DLGAP1: variants seen among roughly 807,000 people sequenced by gnomAD.
DLGAP1 encodes the protein DLG associated protein 1, also known as disks large-associated protein 1.
DLGAP1 carries 11 observed loss-of-function variants against 90.8 expected under a neutral mutation model. The observed-to-expected ratio is 0.12, with a 90% CI of 0.08 to 0.20. The LOEUF is 0.20. Ranked by LOEUF, DLGAP1 falls within the 10% of genes least tolerant of loss-of-function variation. The pLI, the probability that DLGAP1 is intolerant of heterozygous loss-of-function variation, is 1.00. For synonymous variants in DLGAP1, 558 were observed against 540.7 expected, an observed-to-expected ratio of 1.03 and a Z score of -0.44; for missense variants, 1,050 against 1,333.8, an observed-to-expected ratio of 0.79 and a Z score of 3.31.
chr18:3,929,379 G>A (rs1204914370), intron 3 of DLGAP1, among the ~76,000 whole-genome samples: 1 of 152,172 alleles, frequency 6.6e-6, no homozygotes, highest in African/African-American at 2.4e-5. Context: ...CCACAATTCT[G>A]ACCACTCCAG....
intron 7 of DLGAP1, among the ~76,000 whole-genome samples, chr18:3,681,044 T>C (rs967883695): frequency 2.0e-5 from 3 of 152,104 alleles, no homozygotes; most frequent in Admixed American, 1.3e-4. Context: ...GGTGAGATAA[T>C]TGTGCTGAGA....
At chr18:3,602,000 C>G (rs1199640231) in intron 7 of DLGAP1, among the ~76,000 whole-genome samples, 1 of 151,986 alleles carries the variant, frequency 6.6e-6, no homozygotes, top group Non-Finnish European at 1.5e-5. Context: ...CAGTGCGAGA[C>G]TCCTTCTCAA....
At chr18:4,160,860 G>T (rs530308210) in intron 1 of DLGAP1, among the ~76,000 whole-genome samples, 21 of 152,104 alleles carry the variant, frequency 1.4e-4, no homozygotes, top group African/African-American at 4.8e-4. Flanking sequence ...ACTTCATTTA[G>T]ATATTATTAT....
chr18:4,333,835 C>T (rs1414332149), intron 1 of DLGAP1, among the ~76,000 whole-genome samples: 2 of 151,294 alleles, frequency 1.3e-5, no homozygotes, highest in African/African-American at 2.4e-5. Context: ...CTCCTAACCT[C>T]GTGATCCGCC....
chr18:4,331,239 C>G (rs2080943752), intron 1 of DLGAP1, among the ~76,000 whole-genome samples: 1 of 151,678 alleles, frequency 6.6e-6, no homozygotes, highest in African/African-American at 2.4e-5. Context: ...TATCACGGGA[C>G]TGTGTTTTCT....
intron 7 of DLGAP1, among the ~76,000 whole-genome samples, chr18:3,726,274 T>C (rs146272851): frequency 1.9e-4 from 29 of 152,334 alleles, no homozygotes; most frequent in African/African-American, 7.0e-4. Context: ...TCAATTTTCA[T>C]AGATGAGTGT....
intron 7 of DLGAP1, among the ~76,000 whole-genome samples, chr18:3,623,709 G>A (rs2058184216): frequency 1.3e-5 from 2 of 150,800 alleles, no homozygotes; most frequent in African/African-American, 4.9e-5. Context: ...CCTGGGAGGC[G>A]GAGCTTGCAG....
At chr18:4,240,064 T>G (rs189994865) in intron 1 of DLGAP1, among the ~76,000 whole-genome samples, 1 of 152,226 alleles carries the variant, frequency 6.6e-6, no homozygotes, top group Non-Finnish European at 1.5e-5. Flanking sequence ...AATTTACTTG[T>G]TGTGTTAGGA....
intron 1 of DLGAP1, among the ~76,000 whole-genome samples, chr18:4,372,206 G>A (rs966881673): frequency 7.9e-5 from 12 of 152,088 alleles, no homozygotes; most frequent in African/African-American, 2.9e-4. Context: ...CACAGAACCA[G>A]GTATAAAATG....
chr18:4,430,157 A>G (rs1046876248), intron 1 of DLGAP1, among the ~76,000 whole-genome samples: 2 of 152,178 alleles, frequency 1.3e-5, no homozygotes, highest in African/African-American at 4.8e-5. Flanking sequence ...GGGTATTTCA[A>G]TGTTGCTGAT....
At chr18:3,632,716 G>A (rs77725302) in intron 7 of DLGAP1, among the ~76,000 whole-genome samples, 1,551 of 152,114 alleles carry the variant, frequency 0.01, 32 homozygotes, top group African/African-American at 0.036. Context: ...CTTTCCTTGG[G>A]AGCTTATTTT....
chr18:4,279,858 T>C (rs564536377), intron 1 of DLGAP1, among the ~76,000 whole-genome samples: 122 of 152,342 alleles, frequency 8.0e-4, no homozygotes, highest in African/African-American at 2.9e-3. Context: ...CAACTAATTT[T>C]ATTGATGTTA....
chr18:3,923,133 C>CA (rs34107115), intron 3 of DLGAP1, among the ~76,000 whole-genome samples: 20,526 of 70,980 alleles, frequency 0.29, 3,445 homozygotes, highest in Middle Eastern at 0.48. Context: ...GAACCTGTCT[C>CA]AAAAAAAAAA....
chr18:4,015,150 A>G (rs2074499502), intron 2 of DLGAP1, among the ~76,000 whole-genome samples: 2 of 152,176 alleles, frequency 1.3e-5, no homozygotes, highest in Non-Finnish European at 2.9e-5. Context: ...CTGAAGTCCC[A>G]CGCTGGAAAA....
chr18:3,545,688 C>T (rs1388668025), intron 9 of DLGAP1, among the ~76,000 whole-genome samples: 1 of 152,016 alleles, frequency 6.6e-6, no homozygotes, highest in Non-Finnish European at 1.5e-5. Context: ...GAAACTCTGT[C>T]TCTACTAAAA....
chr18:4,254,646 A>C (rs1386344645), intron 1 of DLGAP1, among the ~76,000 whole-genome samples: 1 of 150,992 alleles, frequency 6.6e-6, no homozygotes, highest in African/African-American at 2.5e-5. Flanking sequence ...CCAAATTCTA[A>C]GGTCAGGAAG....
rs137994552 is a variant in DLGAP1, at chr18:4,375,192, T to G, written c.-267+79814A>C. ...ATAGCACTTTCCACTGATTTGGTAG[T>G]TTTCACCTAAGAGTTCCAAATGTGT... On this transcript the variant is annotated intron_variant, in intron 1 of 12. Transcript: ENST00000315677. Among the ~76,000 whole-genome samples the G allele has an allele frequency of 1.8e-3, 272 of 152,274 alleles. 1 individual carries two copies. Among genetic ancestry groups the G allele is most frequent in the Middle Eastern group, 0.01 (3 of 294 alleles).
Position 3,843,943 on chromosome 18 carries a change from C to T in DLGAP1, c.958-29670G>A, listed in dbSNP as rs1598972387. On this transcript the variant is annotated intron_variant, in intron 4 of 12. Coordinates refer to ENST00000315677, the MANE Select transcript of DLGAP1 (RefSeq NM_004746.4). ...GTAAGTTATATGTGGTAGCTAAATA[C>T]TTGTGCTCAAGCTCTCAGCATCCTG... 2.0e-5 allele frequency among the ~76,000 whole-genome samples: 3 copies of T among 152,270 alleles called. No homozygotes were observed. The Middle Eastern group carries it at 0.01, about 518-fold the overall frequency.
At chr18:4,215,273 G>T (rs762979206) in intron 1 of DLGAP1, among the ~76,000 whole-genome samples, 1 of 152,022 alleles carries the variant, frequency 6.6e-6, no homozygotes, top group Non-Finnish European at 1.5e-5. Flanking sequence ...GTATCACCAC[G>T]AAGTATCTTA....
Sources: allele counts gnomAD v4.1 joint callset (sites outside exome capture counted in the v4.1 genomes callset), GRCh38; gene constraint gnomAD v4.1.1; transcripts MANE v1.5; gene names NCBI Gene and HGNC (gene_info 2026-07-23, HGNC 2026-07-21).